ASPRV1: variants seen among roughly 807,000 people sequenced by gnomAD.
The protein encoded by ASPRV1 is retroviral-like aspartic protease 1.
In ASPRV1, 7 loss-of-function variants were observed where a neutral mutation model predicts 11.0. The observed-to-expected ratio is 0.64, with a 90% CI of 0.36 to 1.20. The LOEUF (loss-of-function observed/expected upper bound fraction) is 1.20, where lower values mean the gene tolerates loss of function less well. Among genes scored for constraint, ASPRV1 ranks in the 50% most tolerant of loss-of-function variants. The probability of loss-of-function intolerance (pLI) is 0.02; values close to 1 mark genes in which losing one functional copy is unlikely to be tolerated. For missense variants in ASPRV1, 299 were observed against 320.0 expected (o/e 0.93, Z 0.50); for synonymous variants, 136 against 138.4 (o/e 0.98, Z 0.12).
At chr2:70,035,239 C>T in the ASPRV1 span, among the ~76,000 whole-genome samples, 4 of 152,174 alleles carry the variant, frequency 2.6e-5, no homozygotes, top group Non-Finnish European at 4.4e-5. Context: ...GGACTCTCAG[C>T]AGCCTGATCT....
the ASPRV1 span, among the ~76,000 whole-genome samples, chr2:70,025,773 C>T: frequency 6.6e-6 from 1 of 152,176 alleles, no homozygotes; most frequent in African/African-American, 2.4e-5. Context: ...CCTGACTATC[C>T]AGATACACAG....
the ASPRV1 span, among the ~76,000 whole-genome samples, chr2:70,042,582 G>C: frequency 6.6e-6 from 1 of 152,110 alleles, no homozygotes; most frequent in Admixed American, 6.5e-5. Flanking sequence ...CTGATAGGCA[G>C]AGAGCTGTCA....
chr2:70,046,179 G>A, the ASPRV1 span: 1 of 152,198 alleles, frequency 6.6e-6, no homozygotes, highest in Non-Finnish European at 1.5e-5. Context: ...TCCTTACCCA[G>A]GAAGATGTGG....
At chr2:70,051,577 T>G in the ASPRV1 span, among the ~76,000 whole-genome samples, 2 of 152,130 alleles carry the variant, frequency 1.3e-5, no homozygotes, top group Non-Finnish European at 2.9e-5. Context: ...AAAAGCCCAA[T>G]AAGTATACCA....
At chr2:70,018,498 G>T in the ASPRV1 span, among the ~76,000 whole-genome samples, 3 of 152,006 alleles carry the variant, frequency 2.0e-5, no homozygotes, top group Non-Finnish European at 2.9e-5. Context: ...CAAGGCTAGA[G>T]GTATCATACT....
the ASPRV1 span, among the ~76,000 whole-genome samples, chr2:70,079,686 G>A: frequency 1.8e-3 from 276 of 152,280 alleles, 1 homozygote; most frequent in African/African-American, 6.3e-3. Context: ...AGTATCAAAT[G>A]CTACTGAGAT....
the ASPRV1 span, chr2:70,048,748 G>A: frequency 6.6e-6 from 1 of 152,342 alleles, no homozygotes; most frequent in East Asian, 1.9e-4. Flanking sequence ...TTGAAATCCA[G>A]GTGTCAGTAG....
chr2:70,020,112 G>C, the ASPRV1 span, among the ~76,000 whole-genome samples: 1 of 152,164 alleles, frequency 6.6e-6, no homozygotes, highest in African/African-American at 2.4e-5. Context: ...AACGATATGG[G>C]GAAATTGAAC....
At chr2:69,932,722 A>G in the ASPRV1 span, among the ~76,000 whole-genome samples, 1 of 152,196 alleles carries the variant, frequency 6.6e-6, no homozygotes, top group African/African-American at 2.4e-5. Flanking sequence ...AGAAATGACA[A>G]TGCATCAAAA....
chr2:69,984,642 A>G, the ASPRV1 span, among the ~76,000 whole-genome samples: 1 of 95,066 alleles, frequency 1.1e-5, no homozygotes, highest in Non-Finnish European at 1.8e-5. Flanking sequence ...TTTTTTTGAG[A>G]CAGAGTCTTG....
the ASPRV1 span, among the ~76,000 whole-genome samples, chr2:70,022,354 CACACACTT>C: frequency 1.1e-5 from 1 of 90,900 alleles, no homozygotes; most frequent in African/African-American, 6.4e-5. Flanking sequence ...AAAACACACA[CACACACTT>C]ACACACACAC....
At chr2:69,987,218 T>A in the ASPRV1 span, among the ~76,000 whole-genome samples, 1 of 152,066 alleles carries the variant, frequency 6.6e-6, no homozygotes, top group Non-Finnish European at 1.5e-5. Context: ...CGCCATCCCC[T>A]CCTGGTTCTT....
chr2:70,025,090 T>A, the ASPRV1 span, among the ~76,000 whole-genome samples: 1 of 152,206 alleles, frequency 6.6e-6, no homozygotes, highest in African/African-American at 2.4e-5. Context: ...TATATTTAAA[T>A]TTGTTATTAT....
the ASPRV1 span, among the ~76,000 whole-genome samples, chr2:70,084,968 C>A: frequency 6.6e-6 from 1 of 152,210 alleles, no homozygotes; most frequent in African/African-American, 2.4e-5. Flanking sequence ...TTCTCTTTGT[C>A]TCTCATATCC....
chr2:70,057,588 C>T, the ASPRV1 span, among the ~76,000 whole-genome samples: 1 of 151,980 alleles, frequency 6.6e-6, no homozygotes, highest in East Asian at 1.9e-4. Context: ...CAGCAATTCT[C>T]TTGCTTCAGC....
the ASPRV1 span, among the ~76,000 whole-genome samples, chr2:69,953,034 G>C: frequency 6.6e-6 from 1 of 152,226 alleles, no homozygotes; most frequent in African/African-American, 2.4e-5. Flanking sequence ...GCACAGCGGG[G>C]TGAGACATGA....
At chr2:69,969,504 A>G in the ASPRV1 span, among the ~76,000 whole-genome samples, 1 of 149,698 alleles carries the variant, frequency 6.7e-6, no homozygotes, top group East Asian at 2.0e-4. Context: ...CACTACGACC[A>G]CTCCCCTCTG....
At chr2:70,073,883 C>T in the ASPRV1 span, among the ~76,000 whole-genome samples, 1 of 151,998 alleles carries the variant, frequency 6.6e-6, no homozygotes, top group Admixed American at 6.6e-5. Flanking sequence ...CCTGTAATCC[C>T]AGCACTTTGG....
the ASPRV1 span, among the ~76,000 whole-genome samples, chr2:70,038,758 G>A: frequency 6.6e-6 from 1 of 152,158 alleles, no homozygotes; most frequent in Non-Finnish European, 1.5e-5. Flanking sequence ...AGGAGAGTTT[G>A]CAGAGGAGAG....
Sources: allele counts gnomAD v4.1 joint callset (sites outside exome capture counted in the v4.1 genomes callset), GRCh38; gene constraint gnomAD v4.1.1; transcripts MANE v1.5; gene names NCBI Gene and HGNC (gene_info 2026-07-23, HGNC 2026-07-21).